Variants in LAMA2 observed in about 807,000 individuals in gnomAD.
The protein encoded by LAMA2 is laminin subunit alpha-2.
Under a neutral mutation model 364.8 loss-of-function variants are expected in LAMA2, and 269 were observed. That is an observed-to-expected ratio of 0.74 (90% CI 0.67 to 0.82). The LOEUF (loss-of-function observed/expected upper bound fraction) is 0.82. LAMA2 is among the 40% of genes least tolerant of loss of function. The pLI is 0.00. For missense variants in LAMA2, 3,807 were observed against 3,873.2 expected (o/e 0.98, Z 0.45); for synonymous variants, 1,379 against 1,370.6 (o/e 1.01, Z -0.14).
intron 1 of LAMA2, among the ~76,000 whole-genome samples, chr6:129,035,546 A>G (rs1337618637): frequency 1.2e-5 from 1 of 80,542 alleles, no homozygotes; most frequent in African/African-American, 3.9e-5. Flanking sequence ...TTTTTTTTGC[A>G]TTTGCTTTTG....
intron 12 of LAMA2, among the ~76,000 whole-genome samples, chr6:129,238,832 G>GAAAAT (rs1315048425): frequency 6.6e-6 from 1 of 151,910 alleles, no homozygotes; most frequent in Non-Finnish European, 1.5e-5. Flanking sequence ...AAAGTTCCAT[G>GAAAAT]AAAATGTTAG....
At chr6:129,020,194 A>G (rs188089122) in intron 1 of LAMA2, among the ~76,000 whole-genome samples, 1 of 151,868 alleles carries the variant, frequency 6.6e-6, no homozygotes. Context: ...CATTAAATGT[A>G]AGAATGTGCA....
chr6:129,492,303 A>G lies in LAMA2; in HGVS notation c.8076-12A>G. On this transcript the variant is annotated splice_polypyrimidine_tract_variant and intron_variant, in intron 57 of 64. Coordinates refer to ENST00000421865, the MANE Select transcript of LAMA2 (RefSeq NM_000426.4). Reference sequence around the variant, plus strand: ...CGAAAATAAAAAAATCTTATTTATTACATTCTATTAGCCCCATGGACTTTG... The same window carrying G: ...CGAAAATAAAAAAATCTTATTTATTGCATTCTATTAGCCCCATGGACTTTG... The G allele has an allele frequency of 1.2e-6, 2 of 1,612,702 alleles. No individual in the cohort carries two copies. Among genetic ancestry groups the G allele is most frequent in the Non-Finnish European group, 1.7e-6 (2 of 1,178,810 alleles).
chr6:129,469,801 C>T (rs1364143143), intron 51 of LAMA2, among the ~76,000 whole-genome samples: 3 of 151,688 alleles, frequency 2.0e-5, no homozygotes, highest in Non-Finnish European at 2.9e-5. Flanking sequence ...AATATAGATA[C>T]AAAATGGATG....
At chr6:129,220,137 T>C (rs961803772) in intron 12 of LAMA2, among the ~76,000 whole-genome samples, 2 of 152,184 alleles carry the variant, frequency 1.3e-5, no homozygotes, top group Non-Finnish European at 2.9e-5. Flanking sequence ...TGTTCATTGA[T>C]TTAGACATAT....
chr6:129,476,112 T>C (rs1298599374), intron 53 of LAMA2, among the ~76,000 whole-genome samples: 1 of 152,180 alleles, frequency 6.6e-6, no homozygotes, highest in Non-Finnish European at 1.5e-5. Flanking sequence ...CCTCCATAAA[T>C]GGCTGAACAA....
chr6:129,424,040 A>G (rs1047072242), intron 40 of LAMA2, among the ~76,000 whole-genome samples: 2 of 152,116 alleles, frequency 1.3e-5, no homozygotes, highest in Admixed American at 6.6e-5. Flanking sequence ...CAAATAGATT[A>G]TTAGAATAGA....
intron 43 of LAMA2, chr6:129,442,107 G>A: frequency 1.4e-6 from 1 of 732,746 alleles, no homozygotes; most frequent in Non-Finnish European, 2.1e-6. Context: ...ATTTTTGGGG[G>A]GGTATCAAAA....
intron 32 of LAMA2, 85 bp downstream of exon 32, chr6:129,353,442 G>T (rs1317024419): frequency 4.6e-6 from 5 of 1,079,402 alleles, no homozygotes; most frequent in Non-Finnish European, 5.4e-6. Flanking sequence ...GACTCTCCCC[G>T]CCCGCCTTTT....
At chr6:129,479,920 T>C (rs1207592836) in intron 54 of LAMA2, 1 of 152,164 alleles carries the variant, frequency 6.6e-6, no homozygotes, top group Non-Finnish European at 1.5e-5. Context: ...GGACCCATAC[T>C]GGCTTCTTAA....
At chr6:129,464,525 T>G in intron 50 of LAMA2, 73 bp downstream of exon 50, 1 of 1,227,094 alleles carries the variant, frequency 8.1e-7, no homozygotes, top group Non-Finnish European at 1.2e-6. Context: ...ATTGGTAAAA[T>G]CATCAGTTAT....
intron 45 of LAMA2, among the ~76,000 whole-genome samples, chr6:129,446,204 T>G (rs1309235131): frequency 2.6e-5 from 4 of 151,906 alleles, no homozygotes; most frequent in Non-Finnish European, 2.9e-5. Flanking sequence ...AATGGGGTTA[T>G]GGCAGGAATG....
chr6:129,062,378 C>G (rs1788981811), intron 3 of LAMA2, among the ~76,000 whole-genome samples: 1 of 152,134 alleles, frequency 6.6e-6, no homozygotes, highest in African/African-American at 2.4e-5. Flanking sequence ...CCCAAATACA[C>G]TATCTTTTCT....
intron 20 of LAMA2, 115 bp from the exon 21 acceptor site, chr6:129,297,570 A>C: frequency 1.1e-6 from 1 of 912,128 alleles, no homozygotes; most frequent in Non-Finnish European, 1.8e-6. Flanking sequence ...ATCAGTGAGG[A>C]ATCCTGATAA....
At chr6:128,969,983 G>T (rs562381900) in intron 1 of LAMA2, among the ~76,000 whole-genome samples, 1 of 152,186 alleles carries the variant, frequency 6.6e-6, no homozygotes, top group Non-Finnish European at 1.5e-5. Context: ...CAGAATCTGG[G>T]TTAAAATCAG....
intron 17 of LAMA2, among the ~76,000 whole-genome samples, chr6:129,272,763 A>T (rs1583390346): frequency 6.6e-6 from 1 of 152,164 alleles, no homozygotes; most frequent in East Asian, 1.9e-4. Flanking sequence ...TCAGCCTCCT[A>T]ACAGATCAGG....
chr6:129,412,296 G>A (rs1414393830), intron 40 of LAMA2, among the ~76,000 whole-genome samples: 1 of 152,142 alleles, frequency 6.6e-6, no homozygotes, highest in South Asian at 2.1e-4. Context: ...GCCTCTGACT[G>A]TTGGATGAGG....
chr6:129,363,826 G>A (rs565603790), intron 32 of LAMA2, among the ~76,000 whole-genome samples: 1 of 152,368 alleles, frequency 6.6e-6, no homozygotes, highest in Admixed American at 6.5e-5. Flanking sequence ...TTTAGACACA[G>A]TCAATTTGGC....
At chr6:129,375,662 T>C (rs932283775) in intron 34 of LAMA2, among the ~76,000 whole-genome samples, 3 of 152,212 alleles carry the variant, frequency 2.0e-5, no homozygotes, top group Admixed American at 2.0e-4. Context: ...TCGGTGTTCC[T>C]TGGGGACTAG....
Sources: gnomAD v4.1 joint callset for allele counts (sites outside exome capture counted in the v4.1 genomes callset) on GRCh38, gnomAD v4.1.1 for gene constraint, MANE v1.5 for transcripts, NCBI Gene and HGNC (gene_info 2026-07-23, HGNC 2026-07-21) for gene names.